RGS18: variants seen among roughly 807,000 people sequenced by gnomAD.
The protein encoded by RGS18 is regulator of G-protein signaling 18.
Under a neutral mutation model 27.6 loss-of-function variants are expected in RGS18, and 22 were observed. The observed-to-expected ratio is 0.80, with a 90% CI of 0.57 to 1.14. The LOEUF is 1.14. Ranked by LOEUF, RGS18 falls within the 50% of genes most tolerant of loss-of-function variation. The pLI is 0.00. For missense variants in RGS18, 299 were observed against 269.6 expected (o/e 1.11, Z -0.76); for synonymous variants, 89 against 84.6 (o/e 1.05, Z -0.29).
At chr1:192,172,797 A>G (rs1656284167) in intron 3 of RGS18, among the ~76,000 whole-genome samples, 1 of 150,574 alleles carries the variant, frequency 6.6e-6, no homozygotes, top group South Asian at 2.1e-4. Flanking sequence ...AGATTAGGGC[A>G]TGAACACCTT....
intron 3 of RGS18, among the ~76,000 whole-genome samples, chr1:192,176,298 A>G (rs1249235389): frequency 6.6e-6 from 1 of 151,784 alleles, no homozygotes; most frequent in Non-Finnish European, 1.5e-5. Flanking sequence ...CTGACCCACA[A>G]ATTCCAAATA....
At chr1:192,177,991 T>G (rs1656385690) in intron 3 of RGS18, among the ~76,000 whole-genome samples, 1 of 151,620 alleles carries the variant, frequency 6.6e-6, no homozygotes, top group Non-Finnish European at 1.5e-5. Flanking sequence ...AAACCTAAAT[T>G]CAGGGTCACC....
At chr1:192,180,512 C>G (rs569336183) in intron 3 of RGS18, among the ~76,000 whole-genome samples, 8 of 151,604 alleles carry the variant, frequency 5.3e-5, no homozygotes, top group African/African-American at 1.9e-4. Flanking sequence ...AAAAGAGGTC[C>G]CATGCTGTAT....
intron 3 of RGS18, among the ~76,000 whole-genome samples, chr1:192,165,156 T>A (rs540018074): frequency 3.3e-5 from 5 of 152,320 alleles, no homozygotes; most frequent in Admixed American, 3.3e-4. Flanking sequence ...ATGGCCGCTC[T>A]GGGAGTGTCT....
rs771699870 is a variant in RGS18, at chr1:192,158,727, A to C, written c.90A>C (p.Lys30Asn). 24 of 1,576,384 alleles carry C rather than the reference A, an allele frequency of 1.5e-5. No homozygotes were observed. Among genetic ancestry groups the C allele is most frequent in the Non-Finnish European group, 2.0e-5 (23 of 1,165,834 alleles). The change falls in exon 1 of 5, where the codon AAA (lysine) becomes AAC (asparagine). Residue 30 changes from lysine (K) to asparagine (N), a missense_variant. Physicochemically the swap from Lys to Asn is moderately conservative, Grantham distance 94 (BLOSUM62 0). Coordinates refer to ENST00000367460, the MANE Select transcript of RGS18 (RefSeq NM_130782.3). Reference sequence around the variant, plus strand: ...TCAAGTTAATACATGGTTCAGGAAAAGAAGAAACAAGCAAAGAAGCCAAAA... The same window carrying C: ...TCAAGTTAATACATGGTTCAGGAAACGAAGAAACAAGCAAAGAAGCCAAAA... ...TFFKLIHGSG[K>N]EETSKEAKIR...
Position 192,176,055 on chromosome 1 carries a change from C to T in RGS18, c.284-5237C>T, listed in dbSNP as rs551887814. Among the ~76,000 whole-genome samples, 11 of 151,824 alleles carry T rather than the reference C, an allele frequency of 7.2e-5. No homozygotes were observed. In the South Asian group the frequency reaches 1.2e-3, roughly 17 times the overall value. ...AGCAGCCTGTCCTGGTTTTTATGTC[C>T]GAGGGAATACAGGTATCCCTGGGCT... On this transcript the variant is annotated intron_variant, in intron 3 of 4. Transcript: ENST00000367460.
chr1:192,184,386 G>A lies in RGS18; in HGVS notation c.540G>A (p.Val180=). The change falls in exon 5 of 5, where the codon GTG becomes GTA. Residue 180 remains valine (V), a synonymous_variant. Coordinates refer to ENST00000367460, the MANE Select transcript of RGS18 (RefSeq NM_130782.3). ...GTTTTGATGCTGCACAAAGCAGAGTGTATCAGCTCATGGAACAAGACAGTT... is the reference window on the plus strand; with the variant it reads ...GTTTTGATGCTGCACAAAGCAGAGTATATCAGCTCATGGAACAAGACAGTT... ...LHSFDAAQSR[V]YQLMEQDSYT... is the part of the protein sequence containing the mutation. 6.2e-7 allele frequency: 1 copy of A among 1,611,802 alleles called. No individual in the cohort carries two copies. The highest frequency in any genetic ancestry group is 8.5e-7 in the Non-Finnish European group (1 of 1,178,596).
At chr1:192,159,683 AACACACGCATT>A (rs2102149110) in intron 2 of RGS18, among the ~76,000 whole-genome samples, 1 of 152,278 alleles carries the variant, frequency 6.6e-6, no homozygotes, top group East Asian at 1.9e-4. Context: ...AGTTTGAAAA[AACACACGCATT>A]ATAGCAAGTA....
At chr1:192,173,124 A>G (rs556845326) in intron 3 of RGS18, among the ~76,000 whole-genome samples, 16 of 151,862 alleles carry the variant, frequency 1.1e-4, no homozygotes, top group African/African-American at 3.6e-4. Flanking sequence ...GTTTCATTTT[A>G]TATGGAACTT....
intron 3 of RGS18, among the ~76,000 whole-genome samples, chr1:192,177,262 A>C (rs1656374065): frequency 6.8e-6 from 1 of 147,574 alleles, no homozygotes; most frequent in Non-Finnish European, 1.5e-5. Context: ...AATTTTGTGG[A>C]TTTTTTTTTT....
chr1:192,160,595 G>C (rs991884202), intron 3 of RGS18, 156 bp downstream of exon 3: 6 of 476,190 alleles, frequency 1.3e-5, no homozygotes, highest in Non-Finnish European at 2.3e-5. Context: ...TAATAGAAAA[G>C]TCAAATAATG....
At chr1:192,181,558 T>A in intron 4 of RGS18, 100 bp downstream of exon 4, 1 of 787,518 alleles carries the variant, frequency 1.3e-6, no homozygotes, top group Non-Finnish European at 1.9e-6. Flanking sequence ...TTATTTTTAT[T>A]AATTTCATTT....
intron 3 of RGS18, among the ~76,000 whole-genome samples, chr1:192,179,024 A>C (rs778984200): frequency 2.0e-4 from 30 of 151,542 alleles, no homozygotes; most frequent in Non-Finnish European, 3.4e-4. Context: ...GAGAAAGCAA[A>C]GGACAGAATT....
intron 3 of RGS18, among the ~76,000 whole-genome samples, chr1:192,177,744 G>T (rs1265549095): frequency 6.6e-6 from 1 of 151,826 alleles, no homozygotes; most frequent in Admixed American, 6.6e-5. Flanking sequence ...AATAGGAAGG[G>T]AAAAGTATTC....
At chr1:192,180,404 G>A (rs1345861358) in intron 3 of RGS18, among the ~76,000 whole-genome samples, 9 of 151,456 alleles carry the variant, frequency 5.9e-5, no homozygotes, top group Non-Finnish European at 7.4e-5. Context: ...TATGCTCAGG[G>A]CCACATAGTA....
At chr1:192,178,732 A>G (rs1295569582) in intron 3 of RGS18, among the ~76,000 whole-genome samples, 1 of 151,700 alleles carries the variant, frequency 6.6e-6, no homozygotes, top group Non-Finnish European at 1.5e-5. Context: ...AAACTTAATC[A>G]AAGATTTTAT....
chr1:192,175,249 C>T (rs1170025295), intron 3 of RGS18, among the ~76,000 whole-genome samples: 1 of 151,622 alleles, frequency 6.6e-6, no homozygotes, highest in Non-Finnish European at 1.5e-5. Context: ...TTTTAGATAA[C>T]TTATCAGTTT....
At chr1:192,179,461 G>C (rs910921977) in intron 3 of RGS18, among the ~76,000 whole-genome samples, 1 of 151,304 alleles carries the variant, frequency 6.6e-6, no homozygotes, top group Non-Finnish European at 1.5e-5. Context: ...ATTTATTCCA[G>C]ATAAATAAAG....
At position 192,158,738 on chromosome 1, in the gene RGS18, G is replaced by A. The variant is rs771378573; in HGVS notation, c.101G>A (p.Ser34Asn). Reference sequence around the variant, plus strand: ...CATGGTTCAGGAAAAGAAGAAACAAGCAAAGAAGCCAAAATCAGGTAAAAT... The same window carrying A: ...CATGGTTCAGGAAAAGAAGAAACAAACAAAGAAGCCAAAATCAGGTAAAAT... ...LIHGSGKEET[S>N]KEAKIRAKEK... Residue 34 changes from serine to asparagine, a missense_variant, in exon 1 of 5, where the codon AGC becomes AAC. Physicochemically the swap from Ser to Asn is conservative, Grantham distance 46 (BLOSUM62 1). Coordinates refer to ENST00000367460, the MANE Select transcript of RGS18 (RefSeq NM_130782.3). The A allele has an allele frequency of 6.4e-7, 1 of 1,568,348 alleles. No homozygotes were observed. Among genetic ancestry groups the A allele is most frequent in the Non-Finnish European group, 8.6e-7 (1 of 1,160,674 alleles).
Sources: allele counts gnomAD v4.1 joint callset (sites outside exome capture counted in the v4.1 genomes callset), GRCh38; gene constraint gnomAD v4.1.1; transcripts MANE v1.5; gene names NCBI Gene and HGNC (gene_info 2026-07-23, HGNC 2026-07-21).